The following PRKN variants were observed in gnomAD, a reference collection of about 807,000 sequenced individuals.
PRKN encodes parkin RBR E3 ubiquitin protein ligase, also known as E3 ubiquitin-protein ligase parkin.
PRKN carries 56 observed loss-of-function variants against 59.5 expected under a neutral mutation model. The observed-to-expected ratio is 0.94, with a 90% CI of 0.76 to 1.18. The LOEUF is 1.18. Among genes scored for constraint, PRKN ranks in the 50% most tolerant of loss-of-function variants. The probability of loss-of-function intolerance (pLI) is 0.00; values close to 1 mark genes in which losing one functional copy is unlikely to be tolerated. For missense variants in PRKN, 657 were observed against 596.4 expected (o/e 1.10, Z -1.06); for synonymous variants, 250 against 222.1 (o/e 1.13, Z -1.12).
At chr6:162,057,062 G>A (rs192270097) in intron 4 of PRKN, among the ~76,000 whole-genome samples, 23 of 152,194 alleles carry the variant, frequency 1.5e-4, no homozygotes, top group African/African-American at 4.3e-4. Context: ...GAATCTGGAG[G>A]GGGGAGGTGG....
intron 1 of PRKN, among the ~76,000 whole-genome samples, chr6:162,509,642 A>G (rs1777504724): frequency 6.6e-6 from 1 of 152,198 alleles, no homozygotes; most frequent in Non-Finnish European, 1.5e-5. Context: ...CCTGGGATAG[A>G]AAAGTTACAG....
chr6:162,479,591 G>A (rs1215422032), intron 1 of PRKN, among the ~76,000 whole-genome samples: 3 of 152,090 alleles, frequency 2.0e-5, no homozygotes, highest in African/African-American at 7.2e-5. Context: ...GGCTTAGAGA[G>A]GGTCAAGATC....
chr6:162,179,330 G>A (rs1048439392), intron 4 of PRKN, among the ~76,000 whole-genome samples: 1 of 152,200 alleles, frequency 6.6e-6, no homozygotes, highest in African/African-American at 2.4e-5. Flanking sequence ...CCCGAACCAT[G>A]CTGTGTCCAC....
At position 162,068,311 on chromosome 6, in the gene PRKN, A is replaced by T. The variant is rs575465507; in HGVS notation, c.535-14137T>A. ...TCATTTATCTCAGAAATCATATGAGACATTATACTTGGCATTTCTTTTCTA... is the reference window on the plus strand; with the variant it reads ...TCATTTATCTCAGAAATCATATGAGTCATTATACTTGGCATTTCTTTTCTA... On this transcript the variant is annotated intron_variant, in intron 4 of 11. Coordinates refer to ENST00000366898, the MANE Select transcript of PRKN (RefSeq NM_004562.3). Among the ~76,000 whole-genome samples the T allele has an allele frequency of 2.0e-5, 3 of 152,296 alleles. No homozygotes were observed. In the South Asian group the frequency reaches 6.2e-4, roughly 32 times the overall value.
chr6:161,846,991 G>C (rs1033373390), intron 6 of PRKN, among the ~76,000 whole-genome samples: 5 of 152,246 alleles, frequency 3.3e-5, no homozygotes, highest in South Asian at 2.1e-4. Flanking sequence ...AATCTCATCA[G>C]AGAGAGGCCC....
chr6:162,044,530 T>C (rs1328108688), intron 5 of PRKN, among the ~76,000 whole-genome samples: 1 of 152,182 alleles, frequency 6.6e-6, no homozygotes, highest in African/African-American at 2.4e-5. Flanking sequence ...CTTAACATCC[T>C]CTGCTTTTCT....
intron 6 of PRKN, among the ~76,000 whole-genome samples, chr6:161,850,314 T>G (rs1010005878): frequency 6.6e-6 from 1 of 152,210 alleles, no homozygotes; most frequent in Non-Finnish European, 1.5e-5. Context: ...GCGCGGCAGC[T>G]GACGCCTATA....
chr6:161,897,924 G>A (rs372734519), intron 6 of PRKN, among the ~76,000 whole-genome samples: 86 of 119,150 alleles, frequency 7.2e-4, no homozygotes, highest in Admixed American at 1.2e-3. Flanking sequence ...CTGAGATCGC[G>A]CCACTGCACT....
chr6:161,683,125 A>G (rs1785431952), intron 7 of PRKN, among the ~76,000 whole-genome samples: 1 of 152,178 alleles, frequency 6.6e-6, no homozygotes, highest in Non-Finnish European at 1.5e-5. Context: ...GCTGAGTGAA[A>G]TCTGACATCG....
At chr6:161,896,419 C>T (rs534669591) in intron 6 of PRKN, among the ~76,000 whole-genome samples, 2 of 152,178 alleles carry the variant, frequency 1.3e-5, no homozygotes, top group African/African-American at 4.8e-5. Flanking sequence ...TATCTCCCAT[C>T]AACAACCATA....
chr6:162,500,027 T>C (rs1249980825), intron 1 of PRKN, among the ~76,000 whole-genome samples: 1 of 152,110 alleles, frequency 6.6e-6, no homozygotes, highest in Non-Finnish European at 1.5e-5. Context: ...GTCATGACAA[T>C]TGGAAAGCCA....
chr6:161,537,636 A>AG (rs1779464941), intron 9 of PRKN, among the ~76,000 whole-genome samples: 1 of 152,028 alleles, frequency 6.6e-6, no homozygotes. Flanking sequence ...TGTTTTTAGT[A>AG]GAGACGGGGT....
At chr6:162,257,663 A>G (rs137957503) in intron 3 of PRKN, among the ~76,000 whole-genome samples, 1 of 152,144 alleles carries the variant, frequency 6.6e-6, no homozygotes, top group East Asian at 1.9e-4. Context: ...TAAAAGAGGT[A>G]TTTCAGGGAA....
In PRKN at chr6:161,350,007, T is replaced by C. The variant is rs545573732; in HGVS notation, c.*92A>G. The C allele has an allele frequency of 4.3e-4, 365 of 854,412 alleles. 1 individual carries two copies. The highest frequency in any genetic ancestry group is 5.0e-4 in the Non-Finnish European group (260 of 516,426). The allele number at this position is 854,412 out of a possible 1,614,324, so 52.9% of individuals were successfully genotyped here. ...GAGTGTGTGTGCGCGCGCGCGCGTG[T>C]GTGTGTGTGTTTGAAAAGAGAATTA... On this transcript the variant is annotated 3_prime_UTR_variant, in exon 12 of 12. Coordinates refer to ENST00000366898, the MANE Select transcript of PRKN (RefSeq NM_004562.3).
Position 161,576,591 on chromosome 6 carries a change from G to A in PRKN, c.872-7175C>T, listed in dbSNP as rs546973291. ...CTATTACGACACTTGGGTCGCAGCC[G>A]TGAAAAATTAAAACAGACAAAAATC... On this transcript the variant is annotated intron_variant, in intron 7 of 11. Transcript: ENST00000366898. This position sits in a 1 kb window ranked among gnomAD's most constrained non-coding sequence, Gnocchi z 4.6. Among the ~76,000 whole-genome samples, 10 of 152,320 alleles carry A rather than the reference G, an allele frequency of 6.6e-5. No homozygotes were observed. The East Asian group carries it at 9.6e-4, about 15-fold the overall frequency.
At chr6:162,500,416 C>T (rs1056753042) in intron 1 of PRKN, among the ~76,000 whole-genome samples, 1 of 113,670 alleles carries the variant, frequency 8.8e-6, no homozygotes, top group African/African-American at 3.2e-5. Flanking sequence ...AGGTGATCCA[C>T]CCGCCTCAGA....
intron 2 of PRKN, among the ~76,000 whole-genome samples, chr6:162,389,145 T>G (rs898966114): frequency 3.3e-5 from 5 of 152,062 alleles, no homozygotes. Flanking sequence ...AAGTGCAGGC[T>G]AGTTTGTGTT....
rs115504104 is a variant in PRKN at position 161,771,872 on chromosome 6, T to C, written c.871+13900A>G. On this transcript the variant is annotated intron_variant, in intron 7 of 11. Transcript: ENST00000366898. Reference sequence around the variant, plus strand: ...CAAACAGTATAAACCCTCATAAATATGTAAATCAACCCCTCTAAGCACATT... The same window carrying C: ...CAAACAGTATAAACCCTCATAAATACGTAAATCAACCCCTCTAAGCACATT... Among the ~76,000 whole-genome samples, 237 of 152,296 alleles carry C rather than the reference T, an allele frequency of 1.6e-3. 2 individuals carry two copies. The highest frequency in any genetic ancestry group is 5.2e-3 in the African/African-American group (215 of 41,564).
At chr6:162,179,984 GTGTGTGTGTGTGTGTGTGTGTGTA>G (rs1783725279) in intron 4 of PRKN, among the ~76,000 whole-genome samples, 1 of 150,710 alleles carries the variant, frequency 6.6e-6, no homozygotes, top group African/African-American at 2.4e-5. Context: ...GTGTGTGTGT[GTGTGTGTGTGTGTGTGTGTGTGTA>G]TGTGTGTAGC....
Sources: gnomAD v4.1 joint callset for allele counts (sites outside exome capture counted in the v4.1 genomes callset) on GRCh38, gnomAD v4.1.1 for gene constraint, Gnocchi (gnomAD v3.1) non-coding constraint, MANE v1.5 for transcripts, NCBI Gene and HGNC (gene_info 2026-07-23, HGNC 2026-07-21) for gene names.